The following GRIA3 variants were observed in gnomAD, a reference collection of about 807,000 sequenced individuals.
The protein encoded by GRIA3 is glutamate receptor 3.
A neutral mutation model predicts 63.0 loss-of-function variants in GRIA3; 3 were observed. The observed-to-expected ratio is 0.05, with a 90% CI of 0.02 to 0.12. The LOEUF (loss-of-function observed/expected upper bound fraction) is 0.12. GRIA3 is among the 10% of genes least tolerant of loss of function. The pLI, the probability that GRIA3 is intolerant of heterozygous loss-of-function variation, is 1.00. For missense variants in GRIA3, 347 were observed against 700.9 expected (o/e 0.50, Z 5.70); for synonymous variants, 274 against 257.9 (o/e 1.06, Z -0.60).
chrX:123,411,658 C>A (rs766642430), intron 10 of GRIA3, among the ~76,000 whole-genome samples: 1 of 111,280 alleles, frequency 9.0e-6, no homozygotes, highest in Non-Finnish European at 1.9e-5. Flanking sequence ...ATGTTTGCAA[C>A]TGGTGAGTGG....
Position 123,404,788 on chromosome X carries a change from A to G in GRIA3, c.1374A>G (p.Leu458=). The G allele has an allele frequency of 8.3e-7, 1 of 1,200,710 alleles. No homozygotes were observed. The highest frequency in any genetic ancestry group is 1.1e-6 in the Non-Finnish European group (1 of 885,323). Residue 458 remains leucine (L), a synonymous_variant, in exon 10 of 16, where the codon CTA becomes CTG. Transcript: ENST00000620443. ...GATATGAAGGCTATTGTGTAGACCT[A>G]GCCTATGAAATAGCCAAACATGTAA... is the stretch of plus-strand genomic sequence containing the variant. ...NERYEGYCVD[L]AYEIAKHVRI...
At chrX:123,218,289 C>G (rs1419488722) in intron 2 of GRIA3, among the ~76,000 whole-genome samples, 1 of 111,186 alleles carries the variant, frequency 9.0e-6, no homozygotes, top group Non-Finnish European at 1.9e-5. Flanking sequence ...TCAGGTTATC[C>G]AGCTTATTAG....
At chrX:123,324,015 A>G (rs1791697918) in intron 3 of GRIA3, among the ~76,000 whole-genome samples, 1 of 112,158 alleles carries the variant, frequency 8.9e-6, no homozygotes, top group African/African-American at 3.2e-5. Flanking sequence ...TCCATAGGAG[A>G]GAGCAACAGT....
intron 3 of GRIA3, among the ~76,000 whole-genome samples, chrX:123,265,711 A>C (rs1479465062): frequency 8.9e-6 from 1 of 112,175 alleles, no homozygotes; most frequent in East Asian, 2.8e-4. Flanking sequence ...TGAAGTTTGA[A>C]ATTAACTCTT....
intron 3 of GRIA3, among the ~76,000 whole-genome samples, chrX:123,253,872 G>A (rs772928217): frequency 4.5e-5 from 5 of 111,690 alleles, no homozygotes; most frequent in Non-Finnish European, 9.4e-5. Flanking sequence ...TCTAAGTAGA[G>A]AGAGGCTTAA....
chrX:123,186,491 A>AAAT, intron 2 of GRIA3, among the ~76,000 whole-genome samples: 1 of 111,706 alleles, frequency 9.0e-6, no homozygotes, highest in East Asian at 2.8e-4. Context: ...TGTAGGAAGC[A>AAAT]AATATGAGAA....
chrX:123,207,019 C>G (rs1201734950), intron 2 of GRIA3, among the ~76,000 whole-genome samples: 1 of 111,802 alleles, frequency 8.9e-6, no homozygotes, highest in African/African-American at 3.3e-5. Context: ...GTTGCTGCAA[C>G]AGGACTGCTC....
intron 3 of GRIA3, among the ~76,000 whole-genome samples, chrX:123,282,939 A>G (rs769938286): frequency 8.9e-6 from 1 of 111,807 alleles, no homozygotes; most frequent in South Asian, 3.8e-4. Flanking sequence ...AAAAATGAAA[A>G]CATGGGTGGC....
chrX:123,258,224 T>G, intron 3 of GRIA3, among the ~76,000 whole-genome samples: 1 of 112,564 alleles, frequency 8.9e-6, no homozygotes, highest in Non-Finnish European at 1.9e-5. Flanking sequence ...TTCTTCCCAC[T>G]GATTAATAGT....
chrX:123,231,482 G>A (rs531605974), intron 2 of GRIA3, among the ~76,000 whole-genome samples: 4 of 111,662 alleles, frequency 3.6e-5, no homozygotes, highest in East Asian at 2.8e-4. Flanking sequence ...ATTGTGCTAC[G>A]ATTGGTCCCT....
intron 10 of GRIA3, among the ~76,000 whole-genome samples, chrX:123,410,588 T>C (rs925027595): frequency 2.1e-4 from 24 of 111,874 alleles, no homozygotes; most frequent in African/African-American, 7.8e-4. Flanking sequence ...TCATTTTCCA[T>C]TAAGAAAGGC....
At chrX:123,409,908 G>T (rs769383571) in intron 10 of GRIA3, among the ~76,000 whole-genome samples, 2 of 111,253 alleles carry the variant, frequency 1.8e-5, no homozygotes, top group South Asian at 7.7e-4. Context: ...ATGGTCTAGT[G>T]CTCTGTCCAC....
intron 3 of GRIA3, among the ~76,000 whole-genome samples, chrX:123,309,628 C>A (rs1190173880): frequency 3.6e-5 from 4 of 111,780 alleles, no homozygotes; most frequent in Non-Finnish European, 7.5e-5. Context: ...TGGTTTTGAT[C>A]CAAAATATAT....
At chrX:123,319,566 G>C (rs190486238) in intron 3 of GRIA3, among the ~76,000 whole-genome samples, 6 of 111,798 alleles carry the variant, frequency 5.4e-5, no homozygotes, top group Admixed American at 4.7e-4. Context: ...GAAACACCCA[G>C]ATGCTACCTC....
rs771127087 is a variant in GRIA3, at chrX:123,396,196, T to G, written c.912+1067T>G. Among the ~76,000 whole-genome samples, 19 of 82,724 alleles carry G rather than the reference T, an allele frequency of 2.3e-4. No individual in the cohort carries two copies. The East Asian group carries it at 5.9e-3, about 26-fold the overall frequency. 71.8% of individuals were successfully genotyped at this position (82,724 alleles called of 115,157 possible). A position where few individuals can be genotyped will look rare whatever the true frequency, so the allele number is the denominator to read the frequency against. On this transcript the variant is annotated intron_variant, in intron 6 of 15. Transcript: ENST00000620443. ...ACTCCAGCCTGGGCTGGACTCCATC[T>G]CAAAATAATAATAATAATAATAATA...
At chrX:123,207,312 A>G (rs1417782784) in intron 2 of GRIA3, among the ~76,000 whole-genome samples, 1 of 111,941 alleles carries the variant, frequency 8.9e-6, no homozygotes, top group African/African-American at 3.2e-5. Flanking sequence ...AGTGCTTCTT[A>G]CATACCAGGC....
chrX:123,360,593 G>T (rs1303955825), intron 5 of GRIA3, among the ~76,000 whole-genome samples: 1 of 103,142 alleles, frequency 9.7e-6, no homozygotes, highest in Non-Finnish European at 2.0e-5. Flanking sequence ...CTACTTGAGG[G>T]GCTGAGGCAG....
intron 12 of GRIA3, among the ~76,000 whole-genome samples, chrX:123,437,669 T>C (rs2045653057): frequency 9.0e-6 from 1 of 111,220 alleles, no homozygotes; most frequent in African/African-American, 3.3e-5. Context: ...ATTTTGGAGG[T>C]AGAGTCACAG....
chrX:123,455,944 G>A (rs1190733234), intron 12 of GRIA3, among the ~76,000 whole-genome samples: 1 of 111,545 alleles, frequency 9.0e-6, no homozygotes, highest in Non-Finnish European at 1.9e-5. Context: ...CTGTATTGGA[G>A]ACTCTTCAAG....
Sources: allele counts gnomAD v4.1 joint callset (sites outside exome capture counted in the v4.1 genomes callset), GRCh38; gene constraint gnomAD v4.1.1; transcripts MANE v1.5; gene names NCBI Gene and HGNC (gene_info 2026-07-23, HGNC 2026-07-21).